Variants in IFT74 observed in about 807,000 individuals in gnomAD.
IFT74 encodes intraflagellar transport protein 74 homolog.
A neutral mutation model predicts 96.7 loss-of-function variants in IFT74; 92 were observed. The observed-to-expected ratio is 0.95, with a 90% CI of 0.80 to 1.13. IFT74 has a LOEUF of 1.13. Among genes scored for constraint, IFT74 ranks in the 50% most tolerant of loss-of-function variants. The pLI is 0.00. For synonymous variants in IFT74, 223 were observed against 213.2 expected, an observed-to-expected ratio of 1.05 and a Z score of -0.40; for missense variants, 811 against 698.2, an observed-to-expected ratio of 1.16 and a Z score of -1.82.
chr9:27,046,044 TAGA>T (rs1819690566), intron 14 of IFT74, among the ~76,000 whole-genome samples: 1 of 152,176 alleles, frequency 6.6e-6, no homozygotes, highest in Admixed American at 6.5e-5. Flanking sequence ...AATCTTAAAA[TAGA>T]AGGTCACCTA....
At chr9:27,010,485 G>GTTT (rs375246441) in intron 9 of IFT74, among the ~76,000 whole-genome samples, 11 of 128,116 alleles carry the variant, frequency 8.6e-5, no homozygotes, top group Non-Finnish European at 1.3e-4. Context: ...CCTTTTTTTT[G>GTTT]TTTTTTTTTT....
chr9:26,948,448 A>ATTATTATTATTTT (rs1825819541), intron 1 of IFT74, among the ~76,000 whole-genome samples: 3 of 59,164 alleles, frequency 5.1e-5, no homozygotes, highest in East Asian at 2.9e-4. Flanking sequence ...GCTTTCCATT[A>ATTATTATTATTTT]TTTTTTTTTT....
chr9:27,001,982 C>T (rs1393284172), intron 8 of IFT74, among the ~76,000 whole-genome samples: 1 of 150,886 alleles, frequency 6.6e-6, no homozygotes, highest in Non-Finnish European at 1.5e-5. Flanking sequence ...TTAATTGACT[C>T]AGTTCCACAG....
At chr9:26,999,681 C>T in intron 8 of IFT74, 1 of 1,607,764 alleles carries the variant, frequency 6.2e-7, no homozygotes, top group Non-Finnish European at 8.5e-7. Context: ...GATTGTGATG[C>T]CTGTGACTTT....
chr9:26,968,551 C>T (rs1335653798), intron 2 of IFT74, among the ~76,000 whole-genome samples: 9 of 152,150 alleles, frequency 5.9e-5, no homozygotes, highest in Non-Finnish European at 1.0e-4. Flanking sequence ...TGAGCCACCT[C>T]GCCCAGCCGG....
chr9:27,034,552 G>T (rs1019429824), intron 13 of IFT74, among the ~76,000 whole-genome samples: 1 of 152,094 alleles, frequency 6.6e-6, no homozygotes, highest in Non-Finnish European at 1.5e-5. Context: ...TTTTGAGACG[G>T]AGTTTTTCTC....
rs111780949 is a variant in IFT74, at chr9:26,987,385, C to A, written c.466-1284C>A. On this transcript the variant is annotated intron_variant, in intron 6 of 19. Transcript: ENST00000380062. ...GATTGCAGGCATGAGCCACCGCGCC[C>A]GGCCGAGAAAAGTAGTTTTTAAAGG... 5.7e-3 allele frequency among the ~76,000 whole-genome samples: 871 copies of A among 152,120 alleles called. 10 individuals are homozygous for A. Among genetic ancestry groups the A allele is most frequent in the African/African-American group, 0.02 (817 of 41,516 alleles).
At chr9:26,974,124 G>A (rs34173736) in intron 2 of IFT74, among the ~76,000 whole-genome samples, 16,428 of 152,104 alleles carry the variant, frequency 0.11, 1,273 homozygotes, top group Non-Finnish European at 0.16. Context: ...TCCTTTGAAC[G>A]GGGGTTTTTT....
chr9:26,992,564 G>A lies in IFT74; in HGVS notation c.587+2369G>A, dbSNP rs144303546. 3.5e-3 allele frequency among the ~76,000 whole-genome samples: 527 copies of A among 151,788 alleles called. 1 individual carries two copies. The highest frequency in any genetic ancestry group is 0.012 in the African/African-American group (505 of 41,440). ...AAAAATTAGCTGGGTGAGGTGGCAG[G>A]TGCCTGTAATCCCAGCTACTCAGGA... is the stretch of plus-strand genomic sequence containing the variant. On this transcript the variant is annotated intron_variant, in intron 8 of 19. Transcript: ENST00000380062.
intron 15 of IFT74, 130 bp downstream of exon 15, chr9:27,047,501 C>G (rs967279569): frequency 1.8e-6 from 1 of 555,264 alleles, no homozygotes; most frequent in African/African-American, 2.0e-5. Context: ...AATTCCCTTA[C>G]TTGTTACTAT....
intron 6 of IFT74, among the ~76,000 whole-genome samples, chr9:26,987,350 A>C (rs973759954): frequency 6.6e-6 from 1 of 152,156 alleles, no homozygotes; most frequent in Admixed American, 6.5e-5. Flanking sequence ...TCAGCCTCCC[A>C]AAGTGTGGGG....
intron 8 of IFT74, chr9:26,994,993 A>T (rs1425373974): frequency 2.0e-5 from 3 of 152,464 alleles, no homozygotes; most frequent in African/African-American, 7.2e-5. Flanking sequence ...TTTTAAGGAA[A>T]TTTATTGTGC....
At chr9:26,989,707 T>G (rs1216540331) in intron 7 of IFT74, among the ~76,000 whole-genome samples, 1 of 152,146 alleles carries the variant, frequency 6.6e-6, no homozygotes, top group Non-Finnish European at 1.5e-5. Flanking sequence ...GGGGGGTCTG[T>G]TTTCTAGGCT....
rs147995525 is a variant in IFT74 at position 26,973,981 on chromosome 9, G to A, written c.121-4147G>A. Among the ~76,000 whole-genome samples, 244 of 152,240 alleles carry A rather than the reference G, an allele frequency of 1.6e-3. 1 individual carries two copies. Among genetic ancestry groups the A allele is most frequent in the Non-Finnish European group, 2.1e-3 (146 of 68,010 alleles). On this transcript the variant is annotated intron_variant, in intron 2 of 19. Transcript: ENST00000380062. ...AATTTGGGACATTGTCTCTTGAAGT[G>A]GCCTGTTCCACATTTGTAACATTTA...
At position 27,031,706 on chromosome 9, in the gene IFT74, C is replaced by T. The variant is rs1587386751; in HGVS notation, c.1054+2602C>T. Among the ~76,000 whole-genome samples, 3 of 134,920 alleles carry T rather than the reference C, an allele frequency of 2.2e-5. 1 individual carries two copies. The Middle Eastern group carries it at 0.014, about 625-fold the overall frequency. 88.5% of individuals were successfully genotyped at this position (134,920 alleles called of 152,430 possible). ...CCTCAAACTCCTGGGCTCAAGTGATCCTCTTGCCTTAGCTAAATAAAATAA... is the reference window on the plus strand; with the variant it reads ...CCTCAAACTCCTGGGCTCAAGTGATTCTCTTGCCTTAGCTAAATAAAATAA... On this transcript the variant is annotated intron_variant, in intron 13 of 19. Transcript: ENST00000380062.
intron 8 of IFT74, chr9:26,996,390 A>G: frequency 1.2e-6 from 2 of 1,611,146 alleles, no homozygotes; most frequent in Non-Finnish European, 1.7e-6. Context: ...AAAGATCTTC[A>G]GTTACTGATG....
chr9:26,995,885 A>C (rs759771749), intron 8 of IFT74: 14 of 1,485,024 alleles, frequency 9.4e-6, no homozygotes, highest in Non-Finnish European at 1.3e-5. Flanking sequence ...AGAGAAAGAA[A>C]ATTTGTTAAG....
At chr9:26,969,040 C>T (rs1826762631) in intron 2 of IFT74, among the ~76,000 whole-genome samples, 1 of 152,084 alleles carries the variant, frequency 6.6e-6, no homozygotes, top group African/African-American at 2.4e-5. Context: ...AATGTAGGCA[C>T]TTACAGGTAT....
chr9:27,057,849 C>T (rs952078852), intron 18 of IFT74, among the ~76,000 whole-genome samples: 3 of 151,552 alleles, frequency 2.0e-5, no homozygotes, highest in African/African-American at 4.8e-5. Flanking sequence ...CAGAGCGAGA[C>T]TCTGTCTCAA....
Sources: gnomAD v4.1 joint callset for allele counts (sites outside exome capture counted in the v4.1 genomes callset) on GRCh38, gnomAD v4.1.1 for gene constraint, MANE v1.5 for transcripts, NCBI Gene and HGNC (gene_info 2026-07-23, HGNC 2026-07-21) for gene names.